WDR47: variants seen among roughly 807,000 people sequenced by gnomAD.
WDR47 encodes WD repeat domain 47, also known as WD repeat-containing protein 47.
Under a neutral mutation model 97.2 loss-of-function variants are expected in WDR47, and 32 were observed. The ratio of observed to expected loss-of-function variants is 0.33; its 90% CI spans 0.25 to 0.44. The LOEUF (loss-of-function observed/expected upper bound fraction) is 0.44. Among genes scored for constraint, WDR47 ranks in the 20% least tolerant of loss-of-function variants. WDR47 has a pLI of 1.00. For synonymous variants in WDR47, 375 were observed against 373.5 expected (o/e 1.00, Z -0.05); for missense variants, 782 against 1,102.3 (o/e 0.71, Z 4.11).
intron 14 of WDR47, among the ~76,000 whole-genome samples, chr1:108,972,082 C>T (rs1171114143): frequency 2.0e-5 from 3 of 152,114 alleles, no homozygotes; most frequent in African/African-American, 4.8e-5. Context: ...TGATAGTCAT[C>T]CTAATTTAAA....
intron 4 of WDR47, among the ~76,000 whole-genome samples, chr1:109,012,658 TGA>T (rs1661132424): frequency 6.6e-6 from 1 of 151,542 alleles, no homozygotes; most frequent in South Asian, 2.1e-4. Context: ...GAAGCTTAGC[TGA>T]GAGACAAATT....
chr1:109,028,608 C>T (rs915891972), intron 1 of WDR47, among the ~76,000 whole-genome samples: 13 of 151,226 alleles, frequency 8.6e-5, no homozygotes, highest in African/African-American at 3.2e-4. Flanking sequence ...TGTGCCAACA[C>T]GCCCAGCTAA....
chr1:108,987,429 C>T (rs1352018859), intron 9 of WDR47, among the ~76,000 whole-genome samples: 2 of 152,016 alleles, frequency 1.3e-5, no homozygotes, highest in African/African-American at 4.8e-5. Context: ...GCTGGGATTA[C>T]AGGTGTGAGC....
chr1:109,034,505 A>G (rs1571263198), intron 1 of WDR47, among the ~76,000 whole-genome samples: 1 of 152,194 alleles, frequency 6.6e-6, no homozygotes, highest in Non-Finnish European at 1.5e-5. Flanking sequence ...ACACAGACCA[A>G]TACTGATCCA....
chr1:109,013,961 G>C, intron 3 of WDR47, 36 bp from the exon 4 acceptor site: 1 of 1,485,594 alleles, frequency 6.7e-7, no homozygotes, highest in Non-Finnish European at 9.3e-7. Context: ...TTTTTCCAAT[G>C]TCTGATGTCA....
chr1:109,025,040 T>C (rs899641304), intron 1 of WDR47: 1 of 152,220 alleles, frequency 6.6e-6, no homozygotes, highest in African/African-American at 2.4e-5. Context: ...AGGTTAGTGT[T>C]GTTTCCATTT....
chr1:108,980,327 C>T (rs532442897), intron 13 of WDR47, among the ~76,000 whole-genome samples: 1 of 151,780 alleles, frequency 6.6e-6, no homozygotes, highest in African/African-American at 2.4e-5. Flanking sequence ...GTCCATGAAA[C>T]TCAAAAGAAT....
chr1:109,034,940 A>G (rs1056565214), intron 1 of WDR47, among the ~76,000 whole-genome samples: 2 of 152,162 alleles, frequency 1.3e-5, no homozygotes, highest in African/African-American at 4.8e-5. Context: ...GAGGCATAAT[A>G]TCTCTGTGTC....
At chr1:108,992,284 G>A (rs1053980393) in intron 8 of WDR47, 8 of 858,750 alleles carry the variant, frequency 9.3e-6, no homozygotes, top group South Asian at 9.2e-5. Flanking sequence ...CTGTGAAAAT[G>A]GTTCGCTATT....
At chr1:109,039,273 A>G (rs1168810878) in intron 1 of WDR47, among the ~76,000 whole-genome samples, 2 of 150,624 alleles carry the variant, frequency 1.3e-5, no homozygotes, top group African/African-American at 4.9e-5. Context: ...TTTCTTTTTG[A>G]GGTGGAATCT....
intron 11 of WDR47, 108 bp downstream of exon 11, chr1:108,983,174 T>C: frequency 1.7e-6 from 2 of 1,143,760 alleles, no homozygotes; most frequent in Non-Finnish European, 2.3e-6. Flanking sequence ...AATTATTCTT[T>C]AAGATTATAT....
At chr1:109,000,500 C>T (rs368174300) in intron 7 of WDR47, among the ~76,000 whole-genome samples, 4 of 92,904 alleles carry the variant, frequency 4.3e-5, no homozygotes, top group African/African-American at 1.3e-4. Context: ...CAGAGCTAGA[C>T]TCTGTCTCAA....
chr1:109,008,999 C>T (rs970154098), intron 5 of WDR47, among the ~76,000 whole-genome samples: 4 of 152,026 alleles, frequency 2.6e-5, no homozygotes, highest in East Asian at 2.0e-4. Flanking sequence ...GCAGGAGAAT[C>T]GCTTGAACCC....
intron 1 of WDR47, among the ~76,000 whole-genome samples, chr1:109,026,870 G>A (rs1303222437): frequency 2.0e-5 from 3 of 151,888 alleles, no homozygotes; most frequent in African/African-American, 4.8e-5. Flanking sequence ...GGTTAATAAA[G>A]CCTAAGAGAA....
At chr1:109,001,168 A>C (rs1660155101) in intron 7 of WDR47, among the ~76,000 whole-genome samples, 1 of 152,038 alleles carries the variant, frequency 6.6e-6, no homozygotes, top group African/African-American at 2.4e-5. Flanking sequence ...ACACGCCTAT[A>C]ATCCCAGCTA....
At chr1:109,004,878 C>T (rs12723572) in intron 5 of WDR47, among the ~76,000 whole-genome samples, 163 bp from the exon 6 acceptor site, 1 of 152,136 alleles carries the variant, frequency 6.6e-6, no homozygotes, top group African/African-American at 2.4e-5. Flanking sequence ...GCAACCTCTA[C>T]CTCCCAGGTT....
chr1:108,972,330 ATT>A (rs1462680417), intron 14 of WDR47, among the ~76,000 whole-genome samples: 2 of 151,998 alleles, frequency 1.3e-5, no homozygotes, highest in Non-Finnish European at 2.9e-5. Context: ...CACCTGAACT[ATT>A]CCAACAGCCT....
intron 2 of WDR47, 125 bp from the exon 3 acceptor site, chr1:109,017,726 G>T: frequency 2.7e-6 from 2 of 740,832 alleles, no homozygotes; most frequent in Non-Finnish European, 4.3e-6. Context: ...CATTTTATTT[G>T]ATTCCTCAAA....
chr1:109,014,045 T>A (rs1020982478), intron 3 of WDR47, 120 bp from the exon 4 acceptor site: 4 of 660,258 alleles, frequency 6.1e-6, no homozygotes, highest in Non-Finnish European at 1.0e-5. Context: ...AGGCTTCTTA[T>A]CACATTGAAG....
Sources: allele counts gnomAD v4.1 joint callset (sites outside exome capture counted in the v4.1 genomes callset), GRCh38; gene constraint gnomAD v4.1.1; transcripts MANE v1.5; gene names NCBI Gene and HGNC (gene_info 2026-07-23, HGNC 2026-07-21).